Variants in TBL1X observed in about 807,000 individuals in gnomAD.
TBL1X encodes transducin beta like 1 X-linked, also known as F-box-like/WD repeat-containing protein TBL1X.
A neutral mutation model predicts 50.7 loss-of-function variants in TBL1X; 10 were observed. The ratio of observed to expected loss-of-function variants is 0.20; its 90% CI spans 0.12 to 0.33. The LOEUF (loss-of-function observed/expected upper bound fraction) is 0.33. Among genes scored for constraint, TBL1X ranks in the 10% least tolerant of loss-of-function variants. TBL1X has a pLI of 1.00. For missense variants in TBL1X, 340 were observed against 504.4 expected (o/e 0.67, Z 3.12); for synonymous variants, 190 against 214.7 (o/e 0.88, Z 1.01).
chrX:9,697,453 GTTGT>G, intron 12 of TBL1X, 24 bp downstream of exon 12: 2 of 1,208,042 alleles, frequency 1.7e-6, no homozygotes, highest in Non-Finnish European at 2.2e-6. Context: ...TGTTGTTGTT[GTTGT>G]TTGTTTTTTT....
intron 1 of TBL1X, among the ~76,000 whole-genome samples, chrX:9,498,086 G>C (rs1159891361): frequency 9.1e-6 from 1 of 110,333 alleles, no homozygotes; most frequent in East Asian, 2.8e-4. Context: ...TTTAAAATTT[G>C]ATACAAATTA....
In TBL1X at chrX:9,697,500, A is replaced by G. The variant is rs1212680180; in HGVS notation, c.1114+71A>G. On this transcript the variant is annotated intron_variant, in intron 12 of 17. Coordinates refer to ENST00000645353, the MANE Select transcript of TBL1X (RefSeq NM_005647.4). ...AAAAATAATAATTCAGGTCGAGCCC[A>G]GTGGCTTACGCCTGTAATCCCAGCA... is the stretch of plus-strand genomic sequence containing the variant. The G allele has an allele frequency of 3.4e-6, 4 of 1,187,024 alleles. No homozygotes were observed. In the African/African-American group the frequency reaches 5.3e-5, roughly 16 times the overall value.
intron 1 of TBL1X, among the ~76,000 whole-genome samples, chrX:9,466,413 A>T (rs1177102257): frequency 2.7e-5 from 3 of 112,766 alleles, no homozygotes; most frequent in African/African-American, 9.7e-5. Flanking sequence ...GCTCCCTGCA[A>T]GGCCTCGTGT....
rs1304716510 is a variant in TBL1X at position 9,709,326 on chromosome X, G to A, written c.1311+4G>A. ...CTCGGATGACATGACATTGAAGGTA[G>A]AGTCGGCATGGCAAGGGGTGGGCTG... On this transcript the variant is annotated splice_donor_region_variant and intron_variant, in intron 14 of 17. Transcript: ENST00000645353. The A allele has an allele frequency of 6.6e-6, 8 of 1,209,581 alleles. No individual in the cohort carries two copies. Among genetic ancestry groups the A allele is most frequent in the African/African-American group, 1.7e-5 (1 of 57,170 alleles).
intron 1 of TBL1X, among the ~76,000 whole-genome samples, chrX:9,468,636 G>C (rs1001163651): frequency 9.0e-6 from 1 of 110,920 alleles, no homozygotes; most frequent in Non-Finnish European, 1.9e-5. Context: ...GGGAAACCTG[G>C]TTTGCAGCTA....
intron 12 of TBL1X, among the ~76,000 whole-genome samples, chrX:9,704,059 C>G (rs2083191800): frequency 8.9e-6 from 1 of 111,961 alleles, no homozygotes; most frequent in African/African-American, 3.2e-5. Flanking sequence ...AGACCCATAG[C>G]TGTAACTAAA....
In TBL1X at chrX:9,513,992, A is replaced by T. The variant is rs190768957; in HGVS notation, c.-131+12143A>T. Among the ~76,000 whole-genome samples the T allele has an allele frequency of 1.8e-4, 20 of 109,951 alleles. No individual in the cohort carries two copies. In the East Asian group the frequency reaches 5.5e-3, roughly 30 times the overall value. ...AGGGAACTCACTCAGTACCAGGGGG[A>T]GGGCACCAAGCCATGGTTCCTCCAT... On this transcript the variant is annotated intron_variant, in intron 2 of 17. Coordinates refer to ENST00000645353, the MANE Select transcript of TBL1X (RefSeq NM_005647.4).
intron 5 of TBL1X, among the ~76,000 whole-genome samples, chrX:9,676,443 A>G (rs1357270252): frequency 1.8e-5 from 2 of 112,494 alleles, no homozygotes; most frequent in African/African-American, 6.5e-5. Context: ...CCCCACATCT[A>G]GAGGATATGA....
chrX:9,554,414 A>G (rs1422539722), intron 2 of TBL1X, among the ~76,000 whole-genome samples: 2 of 112,457 alleles, frequency 1.8e-5, no homozygotes, highest in Non-Finnish European at 3.7e-5. Context: ...TTTCATCACA[A>G]ACTGGCTGAA....
chrX:9,709,721 C>T lies in TBL1X; in HGVS notation c.1400C>T (p.Pro467Leu). 4 of 1,209,370 alleles carry T rather than the reference C, an allele frequency of 3.3e-6. No individual in the cohort carries two copies. Among genetic ancestry groups the T allele is most frequent in the Non-Finnish European group, 4.5e-6 (4 of 894,226 alleles). The change falls in exon 15 of 18, where the codon CCC becomes CTC. Residue 467 changes from proline (P) to leucine (L), a missense_variant. Coordinates refer to ENST00000645353, the MANE Select transcript of TBL1X (RefSeq NM_005647.4). The stretch of plus-strand genomic sequence containing the variant: ...ACCATCAAGTGGAGCCCCACTGGGC[C>T]CGCCACCAGCAACCCAAACTCCAAC... ...IYTIKWSPTG[P>L]ATSNPNSNIM... is the part of the protein sequence containing the mutation.
At chrX:9,478,912 T>G (rs1418609655) in intron 1 of TBL1X, among the ~76,000 whole-genome samples, 1 of 112,681 alleles carries the variant, frequency 8.9e-6, no homozygotes, top group Non-Finnish European at 1.9e-5. Context: ...GGAAGTTCCC[T>G]TTAGTAAAAG....
At chrX:9,615,728 C>T (rs1172283671) in intron 2 of TBL1X, among the ~76,000 whole-genome samples, 2 of 111,894 alleles carry the variant, frequency 1.8e-5, no homozygotes, top group African/African-American at 6.5e-5. Flanking sequence ...CATTTTCACC[C>T]CCTTTCCCAT....
chrX:9,556,797 T>A (rs1049008581), intron 2 of TBL1X, among the ~76,000 whole-genome samples: 3 of 107,654 alleles, frequency 2.8e-5, no homozygotes, highest in Non-Finnish European at 5.8e-5. Flanking sequence ...TGTTTTGTGT[T>A]TTTTGTTTTT....
intron 2 of TBL1X, among the ~76,000 whole-genome samples, chrX:9,514,985 G>C (rs1052089260): frequency 9.0e-6 from 1 of 111,510 alleles, no homozygotes; most frequent in Non-Finnish European, 1.9e-5. Flanking sequence ...GACAACCCCC[G>C]GGAAGGCAGA....
At chrX:9,592,661 C>T (rs2082506773) in intron 2 of TBL1X, among the ~76,000 whole-genome samples, 1 of 111,718 alleles carries the variant, frequency 9.0e-6, no homozygotes, top group Non-Finnish European at 1.9e-5. Context: ...TCCCTGGTGA[C>T]TTCTCTTTTT....
At chrX:9,627,348 A>G (rs2082697854) in intron 2 of TBL1X, among the ~76,000 whole-genome samples, 1 of 112,248 alleles carries the variant, frequency 8.9e-6, no homozygotes, top group Non-Finnish European at 1.9e-5. Flanking sequence ...TGAATTTTAC[A>G]TAATGAGAGA....
intron 1 of TBL1X, among the ~76,000 whole-genome samples, chrX:9,491,330 ATATATATAT>A (rs1199098405): frequency 2.2e-4 from 5 of 22,733 alleles, no homozygotes; most frequent in Admixed American, 8.2e-4. Context: ...ATATATATAT[ATATATATAT>A]TTTTTTTTTT....
chrX:9,676,094 C>T (rs1847701768), intron 5 of TBL1X, among the ~76,000 whole-genome samples: 1 of 111,991 alleles, frequency 8.9e-6, no homozygotes, highest in Admixed American at 9.5e-5. Flanking sequence ...TGCTATCCGT[C>T]GTAAATCTCT....
intron 2 of TBL1X, among the ~76,000 whole-genome samples, chrX:9,535,826 A>T (rs781224176): frequency 5.3e-5 from 6 of 112,372 alleles, no homozygotes; most frequent in East Asian, 5.6e-4. Flanking sequence ...TGTGCATACG[A>T]GGAACAGAGT....
Sources: allele counts gnomAD v4.1 joint callset (sites outside exome capture counted in the v4.1 genomes callset), GRCh38; gene constraint gnomAD v4.1.1; transcripts MANE v1.5; gene names NCBI Gene and HGNC (gene_info 2026-07-23, HGNC 2026-07-21).